The following ZNF540 variants were observed in gnomAD, a reference collection of about 807,000 sequenced individuals.
ZNF540 encodes the protein CTD-3064H18.6.
In ZNF540, 3 loss-of-function variants were observed where a neutral mutation model predicts 11.8. That is an observed-to-expected ratio of 0.25 (90% CI 0.12 to 0.65). The LOEUF (loss-of-function observed/expected upper bound fraction) is 0.65. Ranked by LOEUF, ZNF540 falls within the 30% of genes least tolerant of loss-of-function variation. ZNF540 has a pLI of 0.83. For missense variants in ZNF540, 709 were observed against 793.1 expected (o/e 0.89, Z 1.27); for synonymous variants, 247 against 259.0 (o/e 0.95, Z 0.45).
chr19:37,568,314 A>C (rs2042933381), intron 1 of ZNF540, among the ~76,000 whole-genome samples: 2 of 114,626 alleles, frequency 1.7e-5, no homozygotes, highest in African/African-American at 7.8e-5. Context: ...AACAAAAGCA[A>C]CTACCCCCCC....
chr19:37,567,473 G>A (rs1014529158), intron 1 of ZNF540: 4 of 152,074 alleles, frequency 2.6e-5, no homozygotes, highest in African/African-American at 9.7e-5. Flanking sequence ...GCCCCTTTAC[G>A]ATCCAGTTCT....
At chr19:37,568,857 T>C (rs2147158964) in intron 1 of ZNF540, among the ~76,000 whole-genome samples, 1 of 152,290 alleles carries the variant, frequency 6.6e-6, no homozygotes, top group East Asian at 1.9e-4. Flanking sequence ...AGGTTTCTTT[T>C]ATTCTTGCCC....
At chr19:37,609,648 G>T (rs1283652630) in intron 4 of ZNF540, among the ~76,000 whole-genome samples, 1 of 152,070 alleles carries the variant, frequency 6.6e-6, no homozygotes, top group African/African-American at 2.4e-5. Flanking sequence ...AGGAGTTTGA[G>T]ACCAGCCTGG....
intron 1 of ZNF540, among the ~76,000 whole-genome samples, chr19:37,556,740 G>A (rs916230083): frequency 4.6e-5 from 7 of 152,122 alleles, no homozygotes; most frequent in East Asian, 1.9e-4. Context: ...CAAGATAGGC[G>A]GCGCCCTCCC....
upstream of ZNF540, among the ~76,000 whole-genome samples, chr19:37,590,434 A>G (rs531993802): frequency 3.3e-5 from 5 of 152,076 alleles, no homozygotes; most frequent in East Asian, 1.9e-4. Context: ...AGAAGAAGAA[A>G]AAAAAAGCTA....
chr19:37,570,955 A>G (rs1430018455), intron 1 of ZNF540, among the ~76,000 whole-genome samples: 1 of 152,192 alleles, frequency 6.6e-6, no homozygotes, highest in Non-Finnish European at 1.5e-5. Flanking sequence ...GCTGTGGTGT[A>G]ATACAAATTA....
intron 1 of ZNF540, among the ~76,000 whole-genome samples, chr19:37,580,085 T>C (rs2043397303): frequency 6.6e-6 from 1 of 152,206 alleles, no homozygotes; most frequent in Non-Finnish European, 1.5e-5. Flanking sequence ...CTGAATGTAT[T>C]TTACACTAGC....
At chr19:37,575,102 CAG>C (rs1312020415) in intron 1 of ZNF540, among the ~76,000 whole-genome samples, 1 of 152,180 alleles carries the variant, frequency 6.6e-6, no homozygotes, top group Non-Finnish European at 1.5e-5. Context: ...CCTCAAGTCT[CAG>C]AGTTCTGAAG....
At position 37,564,259 on chromosome 19, in the gene ZNF540, C is replaced by T. The variant is rs117054668; in HGVS notation, c.-73+12594C>T. On this transcript the variant is annotated intron_variant, in intron 1 of 4. Transcript: ENST00000592533. The stretch of plus-strand genomic sequence containing the variant: ...TTTAACAACAAATATCAGATGCTAT[C>T]GAAAGGGAATTATATGTATTTAATT... The T allele has an allele frequency of 3.2e-3, 556 of 173,040 alleles. 4 individuals carry two copies. Among genetic ancestry groups the T allele is most frequent in the Non-Finnish European group, 4.3e-3 (357 of 82,762 alleles). 10.7% of individuals were successfully genotyped at this position (173,040 alleles called of 1,614,324 possible).
intron 1 of ZNF540, among the ~76,000 whole-genome samples, chr19:37,568,705 A>G (rs898371924): frequency 2.6e-5 from 4 of 152,210 alleles, no homozygotes; most frequent in Non-Finnish European, 4.4e-5. Flanking sequence ...AGTACATATA[A>G]AAATGTATTC....
At chr19:37,558,600 C>T (rs373119378) in intron 1 of ZNF540, among the ~76,000 whole-genome samples, 12 of 152,196 alleles carry the variant, frequency 7.9e-5, no homozygotes, top group African/African-American at 2.9e-4. Context: ...ATTTGGGTCC[C>T]AATTAGGCCG....
In ZNF540 at chr19:37,613,433, T is replaced by C. The variant is rs2044149190; in HGVS notation, c.*170T>C. ...ATTTAGGAAAATTCACACTAGAAAA[T>C]AAAGCTGTTAATGTAACAGTTGTGG... On this transcript the variant is annotated 3_prime_UTR_variant, in exon 5 of 5. Transcript: ENST00000316433. 4.1e-6 allele frequency: 2 copies of C among 491,790 alleles called. No homozygotes were observed. Among genetic ancestry groups the C allele is most frequent in the Non-Finnish European group, 6.8e-6 (2 of 293,174 alleles). The allele number at this position is 491,790 out of a possible 1,614,324, so 30.5% of individuals were successfully genotyped here. A position where few individuals can be genotyped will look rare whatever the true frequency, so the allele number is the denominator to read the frequency against.
chr19:37,578,008 T>C (rs577415046), intron 1 of ZNF540, among the ~76,000 whole-genome samples: 84 of 152,254 alleles, frequency 5.5e-4, no homozygotes, highest in Middle Eastern at 3.4e-3. Context: ...AGCGGCAGCT[T>C]GAGATTCTCA....
intron 1 of ZNF540, among the ~76,000 whole-genome samples, chr19:37,559,769 T>C (rs2042697932): frequency 6.6e-6 from 1 of 152,238 alleles, no homozygotes; most frequent in Admixed American, 6.5e-5. Context: ...ATTAAAGAGG[T>C]TATGGGTACA....
chr19:37,561,771 A>G (rs1020008063), intron 1 of ZNF540, among the ~76,000 whole-genome samples: 2 of 152,236 alleles, frequency 1.3e-5, no homozygotes, highest in African/African-American at 2.4e-5. Context: ...AGGGCACCTA[A>G]CAGTCTACTG....
chr19:37,587,133 T>A lies in ZNF540; in HGVS notation c.-72-11243T>A, dbSNP rs73617168. Reference sequence around the variant, plus strand: ...AACATCAGCTAGACTCACAGACATTTTGACAGACATATCAGGGTCAACAGA... The same window carrying A: ...AACATCAGCTAGACTCACAGACATTATGACAGACATATCAGGGTCAACAGA... On this transcript the variant is annotated intron_variant, in intron 1 of 4. Coordinates refer to the ZNF540 transcript ENST00000592533. The A allele has an allele frequency of 5.7e-3, 907 of 158,386 alleles. 10 individuals are homozygous for A. Among genetic ancestry groups the A allele is most frequent in the African/African-American group, 0.02 (854 of 41,776 alleles). The allele number at this position is 158,386 out of a possible 1,614,324, so 9.8% of individuals were successfully genotyped here. A position where few individuals can be genotyped will look rare whatever the true frequency, so the allele number is the denominator to read the frequency against.
At chr19:37,586,835 G>T in intron 1 of ZNF540, 1 of 758,202 alleles carries the variant, frequency 1.3e-6, no homozygotes. Context: ...TCCTCTTTTG[G>T]GAATTTGGAA....
At chr19:37,567,553 C>T (rs1366424802) in intron 1 of ZNF540, 1 of 152,180 alleles carries the variant, frequency 6.6e-6, no homozygotes, top group Non-Finnish European at 1.5e-5. Context: ...ATCTTCAGAA[C>T]AATGCTCTAA....
intron 1 of ZNF540, among the ~76,000 whole-genome samples, chr19:37,571,483 G>A (rs535263970): frequency 9.9e-5 from 15 of 152,030 alleles, no homozygotes; most frequent in African/African-American, 2.4e-4. Flanking sequence ...GTGAGAGAGC[G>A]AGACTCCATC....
Sources: gnomAD v4.1 joint callset for allele counts (sites outside exome capture counted in the v4.1 genomes callset) on GRCh38, gnomAD v4.1.1 for gene constraint, MANE v1.5 for transcripts, NCBI Gene and HGNC (gene_info 2026-07-23, HGNC 2026-07-21) for gene names.